TSPAN15: variants seen among roughly 807,000 people sequenced by gnomAD.
TSPAN15 encodes tetraspanin-15.
TSPAN15 carries 20 observed loss-of-function variants against 34.5 expected under a neutral mutation model. That is an observed-to-expected ratio of 0.58 (90% CI 0.41 to 0.84). TSPAN15 has a LOEUF of 0.84. Among genes scored for constraint, TSPAN15 ranks in the 40% least tolerant of loss-of-function variants. The pLI, the probability that TSPAN15 is intolerant of heterozygous loss-of-function variation, is 0.00. For synonymous variants in TSPAN15, 155 were observed against 153.9 expected, an observed-to-expected ratio of 1.01 and a Z score of -0.05; for missense variants, 313 against 386.1, an observed-to-expected ratio of 0.81 and a Z score of 1.59.
chr10:69,453,754 C>T (rs2133049061), intron 1 of TSPAN15, among the ~76,000 whole-genome samples: 2 of 152,342 alleles, frequency 1.3e-5, no homozygotes, highest in Non-Finnish European at 2.9e-5. Flanking sequence ...TGTCACTGTC[C>T]TTTGCAGCCC....
At chr10:69,459,105 C>CAAAAAAAAAAAA (rs1259881929) in intron 1 of TSPAN15, among the ~76,000 whole-genome samples, 6 of 57,686 alleles carry the variant, frequency 1.0e-4, no homozygotes, top group African/African-American at 2.2e-4. Context: ...ACAAAACAGA[C>CAAAAAAAAAAAA]AAAAAAAAAA....
At chr10:69,509,272 A>C (rs1006315869), downstream of TSPAN15, among the ~76,000 whole-genome samples, 1 of 151,970 alleles carries the variant, frequency 6.6e-6, no homozygotes, top group Admixed American at 6.6e-5. Context: ...GCTTATGTGG[A>C]CCAGCGCTGG....
chr10:69,545,685 G>A, the TSPAN15 span, among the ~76,000 whole-genome samples: 16 of 152,202 alleles, frequency 1.1e-4, no homozygotes, highest in South Asian at 4.1e-4. Context: ...GGCTGGGTGC[G>A]GTGGCTCACG....
chr10:69,480,501 G>A (rs540573170), intron 1 of TSPAN15, among the ~76,000 whole-genome samples: 22 of 152,248 alleles, frequency 1.4e-4, no homozygotes, highest in Non-Finnish European at 2.6e-4. Flanking sequence ...CAGTACCCGA[G>A]TCCCTGAATA....
At chr10:69,528,692 C>T in the TSPAN15 span, among the ~76,000 whole-genome samples, 1 of 148,366 alleles carries the variant, frequency 6.7e-6, no homozygotes, top group Non-Finnish European at 1.5e-5. Context: ...CTCACAGAAG[C>T]CCCACAGAGG....
In TSPAN15 at chr10:69,451,510, G is replaced by A; in HGVS notation, c.-85G>A. 7.8e-7 allele frequency: 1 copy of A among 1,277,190 alleles called. No homozygotes were observed. The highest frequency in any genetic ancestry group is 2.5e-5 in the South Asian group (1 of 39,636). 79.1% of individuals were successfully genotyped at this position (1,277,190 alleles called of 1,614,324 possible). On this transcript the variant is annotated 5_prime_UTR_variant, in exon 1 of 8. Coordinates refer to ENST00000373290, the MANE Select transcript of TSPAN15 (RefSeq NM_012339.5). ...CGGTGGCGGGGCTGGTAGCCCGGCA[G>A]CCGCAGGTGGGGCCACGAGCGCTGG...
At position 69,465,892 on chromosome 10, in the gene TSPAN15, C is replaced by T. The variant is rs542265008; in HGVS notation, c.96+14202C>T. ...GCTCTGCGCTTCCAGAAGGCCATCC[C>T]GGTCAGGTTTGTAACTTTACGTAGA... On this transcript the variant is annotated intron_variant, in intron 1 of 7. Coordinates refer to ENST00000373290, the MANE Select transcript of TSPAN15 (RefSeq NM_012339.5). 1.3e-4 allele frequency among the ~76,000 whole-genome samples: 20 copies of T among 152,340 alleles called. 1 individual carries two copies. The South Asian group carries it at 2.7e-3, about 21-fold the overall frequency.
At chr10:69,492,011 T>G (rs1841979335) in intron 3 of TSPAN15, among the ~76,000 whole-genome samples, 1 of 152,244 alleles carries the variant, frequency 6.6e-6, no homozygotes, top group Admixed American at 6.5e-5. Context: ...CTAGAAAGGA[T>G]AGTTCTTCAT....
At chr10:69,528,250 C>G in the TSPAN15 span, among the ~76,000 whole-genome samples, 2 of 148,480 alleles carry the variant, frequency 1.3e-5, no homozygotes, top group African/African-American at 2.4e-5. Flanking sequence ...AAGCAGCTTC[C>G]CTGGCTGGCA....
At chr10:69,491,108 T>C (rs1841959005) in intron 3 of TSPAN15, among the ~76,000 whole-genome samples, 1 of 152,226 alleles carries the variant, frequency 6.6e-6, no homozygotes, top group South Asian at 2.1e-4. Flanking sequence ...GAGATGAACC[T>C]GTGACCCTGG....
At chr10:69,458,240 C>T (rs1564596924) in intron 1 of TSPAN15, among the ~76,000 whole-genome samples, 1 of 148,354 alleles carries the variant, frequency 6.7e-6, no homozygotes, top group Non-Finnish European at 1.5e-5. Context: ...GAAAGCACTT[C>T]TCTGGAGACA....
the TSPAN15 span, among the ~76,000 whole-genome samples, chr10:69,519,372 A>G: frequency 3.3e-5 from 5 of 152,156 alleles, no homozygotes; most frequent in African/African-American, 1.2e-4. Context: ...GTGAGCAGTG[A>G]TTGCACTATT....
intron 3 of TSPAN15, 40 bp downstream of exon 3, chr10:69,485,255 A>C (rs750494912): frequency 1.3e-6 from 2 of 1,592,990 alleles, no homozygotes; most frequent in Non-Finnish European, 1.7e-6. Context: ...GTGTGTATGG[A>C]GCACCCACTG....
chr10:69,455,587 T>A (rs1370646152), intron 1 of TSPAN15, among the ~76,000 whole-genome samples: 2 of 118,126 alleles, frequency 1.7e-5, no homozygotes, highest in Non-Finnish European at 1.9e-5. Flanking sequence ...TCTTTCTTTC[T>A]TTCTCTTTCT....
chr10:69,516,554 C>T, the TSPAN15 span, among the ~76,000 whole-genome samples: 2 of 152,148 alleles, frequency 1.3e-5, no homozygotes, highest in African/African-American at 4.8e-5. Context: ...TACTAGGGCT[C>T]TGGAGGGCAG....
chr10:69,511,212 T>G (rs375696360), downstream of TSPAN15, among the ~76,000 whole-genome samples: 18 of 152,308 alleles, frequency 1.2e-4, no homozygotes, highest in East Asian at 1.7e-3. Flanking sequence ...GTCCTGGCCT[T>G]TTTTTGGTTA....
chr10:69,478,093 C>T (rs1410793480), intron 1 of TSPAN15, among the ~76,000 whole-genome samples: 1 of 152,162 alleles, frequency 6.6e-6, no homozygotes, highest in Admixed American at 6.5e-5. Context: ...TCTGCTGCTC[C>T]CGCCAGCACC....
chr10:69,539,014 C>A, the TSPAN15 span, among the ~76,000 whole-genome samples: 4 of 152,076 alleles, frequency 2.6e-5, no homozygotes, highest in African/African-American at 9.7e-5. Context: ...GACTGGGAGT[C>A]AAATGAAGGC....
At chr10:69,479,986 G>A (rs1333901107) in intron 1 of TSPAN15, among the ~76,000 whole-genome samples, 1 of 152,230 alleles carries the variant, frequency 6.6e-6, no homozygotes, top group Non-Finnish European at 1.5e-5. Context: ...GTCTGGAAAT[G>A]TCTCAAGGCT....
Sources: allele counts gnomAD v4.1 joint callset (sites outside exome capture counted in the v4.1 genomes callset), GRCh38; gene constraint gnomAD v4.1.1; transcripts MANE v1.5; gene names NCBI Gene and HGNC (gene_info 2026-07-23, HGNC 2026-07-21).